RSKR: variants seen among roughly 807,000 people sequenced by gnomAD.
RSKR encodes the protein ribosomal protein S6 kinase related, also known as ribosomal protein S6 kinase-related protein.
Under a neutral mutation model 56.8 loss-of-function variants are expected in RSKR, and 44 were observed. That is an observed-to-expected ratio of 0.77 (90% CI 0.61 to 1.00). The LOEUF is 1.00. RSKR is among the 50% of genes least tolerant of loss of function. The probability of loss-of-function intolerance (pLI) is 0.00; values close to 1 mark genes in which losing one functional copy is unlikely to be tolerated. For synonymous variants in RSKR, 181 were observed against 188.0 expected, an observed-to-expected ratio of 0.96 and a Z score of 0.30; for missense variants, 510 against 506.9, an observed-to-expected ratio of 1.01 and a Z score of -0.06.
chr17:28,611,861 C>A lies in RSKR; in HGVS notation c.694-66G>T. ...TCAACTCTCTTTCATCATGTATACACCCCAGCTGAAGGTGATGCCCTACTC... is the reference window on the plus strand; with the variant it reads ...TCAACTCTCTTTCATCATGTATACAACCCAGCTGAAGGTGATGCCCTACTC... On this transcript the variant is annotated intron_variant, in intron 7 of 11. Transcript: ENST00000301037. 3 of 1,613,250 alleles carry A rather than the reference C, an allele frequency of 1.9e-6. No individual in the cohort carries two copies. In the South Asian group the frequency reaches 3.3e-5, roughly 18 times the overall value.
In RSKR at chr17:28,611,954, A is replaced by G; in HGVS notation, c.693+90T>C. The stretch of plus-strand genomic sequence containing the variant: ...GGCACCCATGGGGGCCCCAATGTCT[A>G]CAGTTCTCAGCTCCCTAACTTCTTG... On this transcript the variant is annotated intron_variant, in intron 7 of 11. Transcript: ENST00000301037. The G allele has an allele frequency of 3.7e-6, 6 of 1,613,642 alleles. No homozygotes were observed. The South Asian group carries it at 4.4e-5, about 12-fold the overall frequency.
chr17:28,613,576 T>C lies in RSKR; in HGVS notation c.188A>G (p.Tyr63Cys), dbSNP rs199736071. The C allele has an allele frequency of 2.0e-4, 317 of 1,614,202 alleles. 1 individual carries two copies. The East Asian group carries it at 2.0e-3, about 10-fold the overall frequency. ...TGGCTTTAGGGATTCCTGGTGCAGA[T>C]AGTGGTGCCCCCGTAGTTCCCAGAG... ...EELWELRGHHYLHQESLKPAP... is the reference protein window; with the variant it reads ...EELWELRGHHCLHQESLKPAP... The change falls in exon 2 of 12, where the codon TAT (tyrosine) becomes TGT (cysteine). Residue 63 changes from tyrosine (Y) to cysteine (C), a missense_variant. Coordinates refer to ENST00000301037, the MANE Select transcript of RSKR (RefSeq NM_001174103.2).
At chr17:28,613,004 G>T in intron 4 of RSKR, 74 bp downstream of exon 4, 1 of 1,484,972 alleles carries the variant, frequency 6.7e-7, no homozygotes, top group African/African-American at 1.4e-5. Flanking sequence ...AGGAAAAGAA[G>T]GTGGGCAAGA....
intron 3 of RSKR, 53 bp downstream of exon 3, chr17:28,613,209 C>G: frequency 6.2e-7 from 1 of 1,613,116 alleles, no homozygotes; most frequent in African/African-American, 1.3e-5. Context: ...TCCTCCCAAC[C>G]TCTCTGGAAT....
Position 28,612,357 on chromosome 17 carries a change from T to C in RSKR, c.557A>G (p.Tyr186Cys), listed in dbSNP as rs1197202045. Residue 186 changes from tyrosine to cysteine, a missense_variant, in exon 6 of 12, where the codon TAC becomes TGC. Tyr to Cys is a radical substitution (Grantham distance 194). Coordinates refer to ENST00000301037, the MANE Select transcript of RSKR (RefSeq NM_001174103.2). ...AAGGGAGTACAGATCTGTGCTGCAGTAGCTACACACTGCAAAGCCAGTGTG... is the reference window on the plus strand; with the variant it reads ...AAGGGAGTACAGATCTGTGCTGCAGCAGCTACACACTGCAAAGCCAGTGTG... ...GKRHLFIMCS[Y>C]CSTDLYSLWS... 1.2e-6 allele frequency: 2 copies of C among 1,614,060 alleles called. No homozygotes were observed.
chr17:28,612,060 A>AT lies in RSKR; in HGVS notation c.676dup (p.Met226AsnfsTer14). 1 of 1,614,212 alleles carries AT rather than the reference A, an allele frequency of 6.2e-7. No homozygotes were observed. The highest frequency in any genetic ancestry group is 8.5e-7 in the Non-Finnish European group (1 of 1,180,046). ...TAACTCTACCTTCACATCTCGATGC[A>AT]TGATGCCCAAGTCATGGAGATAACC... On this transcript the variant is annotated frameshift_variant, in exon 7 of 12. Coordinates refer to ENST00000301037, the MANE Select transcript of RSKR (RefSeq NM_001174103.2). LOFTEE classifies it high-confidence loss of function.
chr17:28,613,791 G>T, intron 1 of RSKR, 103 bp from the exon 2 acceptor site: 1 of 1,490,750 alleles, frequency 6.7e-7, no homozygotes, highest in Non-Finnish European at 9.0e-7. Context: ...ACCCCTAGAG[G>T]TACATTTTTG....
Position 28,613,127 on chromosome 17 carries a change from A to G in RSKR, c.428T>C (p.Val143Ala). 6.2e-7 allele frequency: 1 copy of G among 1,613,918 alleles called. No homozygotes were observed. Among genetic ancestry groups the G allele is most frequent in the Non-Finnish European group, 8.5e-7 (1 of 1,179,998 alleles). Residue 143 changes from valine to alanine, a missense_variant, in exon 4 of 12, where the codon GTC becomes GCC. Coordinates refer to ENST00000301037, the MANE Select transcript of RSKR (RefSeq NM_001174103.2). ...CTGCCTCACGGTATCCCTCTGTAGGACCTTTACCTTGGGCACCACCTATAA... is the reference window on the plus strand; with the variant it reads ...CTGCCTCACGGTATCCCTCTGTAGGGCCTTTACCTTGGGCACCACCTATAA... ...FAVKVVPKVK[V>A]LQRDTVRQCK...
At position 28,613,993 on chromosome 17, in the gene RSKR, A is replaced by C. The variant is rs570593445; in HGVS notation, c.75+94T>G. 1.8e-3 allele frequency: 2,652 copies of C among 1,504,552 alleles called. 66 individuals carry two copies. In the South Asian group the frequency reaches 0.029, roughly 17 times the overall value. 93.2% of individuals were successfully genotyped at this position (1,504,552 alleles called of 1,614,324 possible). On this transcript the variant is annotated intron_variant, in intron 1 of 11. Transcript: ENST00000301037. ...CCCTGCCCCACCCCCACATTGGGTA[A>C]TCACTTCCATGCTCCTAACCAGGAA...
chr17:28,610,481 A>G lies in RSKR; in HGVS notation c.1230T>C (p.Ala410=). 6.5e-7 allele frequency: 1 copy of G among 1,536,046 alleles called. No individual in the cohort carries two copies. The highest frequency in any genetic ancestry group is 1.2e-5 in the South Asian group (1 of 84,052). ...CCCCAATTTACAGTAGAGAGGCTCAAGCAGGGATAGGGTAGAGCAAGAAGG... is the reference window on the plus strand; with the variant it reads ...CCCCAATTTACAGTAGAGAGGCTCAGGCAGGGATAGGGTAGAGCAAGAAGG... The part of the protein sequence containing the change: ...LESFLLYPIP[A] Residue 410 remains alanine (A), a synonymous_variant, in exon 12 of 12, where the codon GCT becomes GCC. Transcript: ENST00000301037.
At position 28,608,042 on chromosome 17, in the gene RSKR, T is replaced by C. The variant is rs901522341; in HGVS notation, c.*2436A>G. On this transcript the variant is annotated 3_prime_UTR_variant, in exon 12 of 12. Transcript: ENST00000301037. ...ACAAGATGCAGATATTATAGTAATA[T>C]AAAACGATTAAAACTTAGAAAAATG... is the stretch of plus-strand genomic sequence containing the variant. The C allele has an allele frequency of 1.3e-5, 2 of 152,170 alleles. No individual in the cohort carries two copies. The highest frequency in any genetic ancestry group is 2.1e-4 in the South Asian group (1 of 4,820). The allele number at this position is 152,170 out of a possible 1,614,324, so 9.4% of individuals were successfully genotyped here.
chr17:28,612,827 A>G (rs1188515609), intron 4 of RSKR, 140 bp from the exon 5 acceptor site: 6 of 830,168 alleles, frequency 7.2e-6, no homozygotes, highest in Non-Finnish European at 1.2e-5. Flanking sequence ...AATATTTGGA[A>G]CTGACTATCT....
chr17:28,613,128 C>A lies in RSKR; in HGVS notation c.427G>T (p.Val143Phe), dbSNP rs1240902186. The A allele has an allele frequency of 5.0e-6, 8 of 1,613,986 alleles. No individual in the cohort carries two copies. The highest frequency in any genetic ancestry group is 6.8e-6 in the Non-Finnish European group (8 of 1,180,016). ...TGCCTCACGGTATCCCTCTGTAGGA[C>A]CTTTACCTTGGGCACCACCTATAAA... Reference protein sequence around the residue: ...FAVKVVPKVKVLQRDTVRQCK... With the variant: ...FAVKVVPKVKFLQRDTVRQCK... The change falls in exon 4 of 12, where the codon GTC becomes TTC. Residue 143 changes from valine to phenylalanine, a missense_variant. Val to Phe is a conservative substitution (Grantham distance 50). Coordinates refer to ENST00000301037, the MANE Select transcript of RSKR (RefSeq NM_001174103.2).
At position 28,613,978 on chromosome 17, in the gene RSKR, C is replaced by A. The variant is rs1027534466; in HGVS notation, c.75+109G>T. 6 of 1,418,114 alleles carry A rather than the reference C, an allele frequency of 4.2e-6. No homozygotes were observed. In the Admixed American group the frequency reaches 7.6e-5, roughly 18 times the overall value. 87.8% of individuals were successfully genotyped at this position (1,418,114 alleles called of 1,614,324 possible). A position where few individuals can be genotyped will look rare whatever the true frequency, so the allele number is the denominator to read the frequency against. On this transcript the variant is annotated intron_variant, in intron 1 of 11. Coordinates refer to ENST00000301037, the MANE Select transcript of RSKR (RefSeq NM_001174103.2). ...TTCATAGTACAGCCTCCCTGCCCCA[C>A]CCCCACATTGGGTAATCACTTCCAT...
chr17:28,612,275 C>A lies in RSKR; in HGVS notation c.639G>T (p.Leu213Phe). 1 of 1,614,174 alleles carries A rather than the reference C, an allele frequency of 6.2e-7. No homozygotes were observed. Among genetic ancestry groups the A allele is most frequent in the South Asian group, 1.1e-5 (1 of 91,086 alleles). Reference sequence around the variant, plus strand: ...TGTTTCACTTACACAGTACCAGCACCAACTCGGCAGCAAAGAGACGGATGG... The same window carrying A: ...TGTTTCACTTACACAGTACCAGCACAAACTCGGCAGCAAAGAGACGGATGG... ...EASIRLFAAE[L>F]VLVLCYLHDL... Residue 213 changes from leucine (L) to phenylalanine (F), a missense_variant, in exon 6 of 12, where the codon TTG becomes TTT. Coordinates refer to ENST00000301037, the MANE Select transcript of RSKR (RefSeq NM_001174103.2).
At position 28,614,096 on chromosome 17, in the gene RSKR, G is replaced by A; in HGVS notation, c.66C>T (p.Val22=). The change falls in exon 1 of 12, where the codon GTC becomes GTT. Residue 22 remains valine, a synonymous_variant. Transcript: ENST00000301037. The part of the protein sequence containing the change: ...TQQGEHTRVA[V]PHKQGGNIRG... ...GAGCCCCACAGCCTACCTTGTGAGGGACAGCCACCCGGGTGTGTTCCCCCT... is the reference window on the plus strand; with the variant it reads ...GAGCCCCACAGCCTACCTTGTGAGGAACAGCCACCCGGGTGTGTTCCCCCT... 3 of 1,613,252 alleles carry A rather than the reference G, an allele frequency of 1.9e-6. No homozygotes were observed. Among genetic ancestry groups the A allele is most frequent in the South Asian group, 2.2e-5 (2 of 91,072 alleles).
chr17:28,611,349 A>G, intron 10 of RSKR, 44 bp downstream of exon 10: 1 of 1,536,184 alleles, frequency 6.5e-7, no homozygotes, highest in South Asian at 1.2e-5. Context: ...TTCCCACCAC[A>G]AGGCAAAGCT....
Position 28,613,464 on chromosome 17 carries a change from G to A in RSKR, c.300C>T (p.Pro100=). Residue 100 remains proline, a synonymous_variant, in exon 2 of 12, where the codon CCC becomes CCT. Transcript: ENST00000301037. The part of the protein sequence containing the change: ...NLFLPEFPIR[P]IRGQQQLKIL... ...CCTTCAGCTGCTGCTGCCCCCTAAT[G>A]GGCCTAATGGGAAACTCTGGTAGAA... The A allele has an allele frequency of 6.2e-7, 1 of 1,614,168 alleles. No individual in the cohort carries two copies. The highest frequency in any genetic ancestry group is 8.5e-7 in the Non-Finnish European group (1 of 1,180,040).
At position 28,611,217 on chromosome 17, in the gene RSKR, A is replaced by G; in HGVS notation, c.937T>C (p.Leu313=). The change falls in exon 11 of 12, where the codon TTG becomes CTG. Residue 313 remains leucine, a synonymous_variant. Coordinates refer to ENST00000301037, the MANE Select transcript of RSKR (RefSeq NM_001174103.2). ...VAAERDHVAM[L]ASVTHSDSEI... ...GAGTCACTGTGGGTCACACTTGCCAACATGGCCACATGATCTCTCTCTGCA... is the reference window on the plus strand; with the variant it reads ...GAGTCACTGTGGGTCACACTTGCCAGCATGGCCACATGATCTCTCTCTGCA... 1 of 1,536,248 alleles carries G rather than the reference A, an allele frequency of 6.5e-7. No homozygotes were observed. The highest frequency in any genetic ancestry group is 8.7e-7 in the Non-Finnish European group (1 of 1,146,884).
Sources: allele counts gnomAD v4.1 joint callset, GRCh38; gene constraint gnomAD v4.1.1; transcripts MANE v1.5; gene names NCBI Gene and HGNC (gene_info 2026-07-23, HGNC 2026-07-21).